Variants in ZRANB1 observed in about 807,000 individuals in gnomAD.
ZRANB1 encodes ubiquitin thioesterase ZRANB1.
A neutral mutation model predicts 80.5 loss-of-function variants in ZRANB1; 16 were observed. The ratio of observed to expected loss-of-function variants is 0.20; its 90% CI spans 0.13 to 0.30. The LOEUF (loss-of-function observed/expected upper bound fraction) is 0.30, where lower values mean the gene tolerates loss of function less well. Ranked by LOEUF, ZRANB1 falls within the 10% of genes least tolerant of loss-of-function variation. ZRANB1 has a pLI of 1.00. For missense variants in ZRANB1, 576 were observed against 862.6 expected (o/e 0.67, Z 4.16); for synonymous variants, 291 against 293.1 (o/e 0.99, Z 0.07).
the ZRANB1 span, among the ~76,000 whole-genome samples, chr10:124,925,540 T>A: frequency 6.6e-6 from 1 of 152,256 alleles, no homozygotes; most frequent in Non-Finnish European, 1.5e-5. Context: ...TGTCTGTGGG[T>A]TGTGTTTTCA....
intron 1 of ZRANB1, among the ~76,000 whole-genome samples, chr10:124,949,535 T>G (rs1054295171): frequency 6.6e-6 from 1 of 151,234 alleles, no homozygotes; most frequent in African/African-American, 2.4e-5. Context: ...TTTTTTTTTT[T>G]TTTTGAGACA....
upstream of ZRANB1, among the ~76,000 whole-genome samples, chr10:124,940,337 GGCTTCAA>G (rs1951523778): frequency 6.6e-6 from 1 of 152,232 alleles, no homozygotes; most frequent in African/African-American, 2.4e-5. Flanking sequence ...TAAAGTAGCA[GGCTTCAA>G]GTGAAATTCA....
chr10:124,959,604 C>G (rs556795974), intron 1 of ZRANB1, among the ~76,000 whole-genome samples: 28 of 152,108 alleles, frequency 1.8e-4, no homozygotes, highest in Non-Finnish European at 3.8e-4. Flanking sequence ...GTAGCTGGGA[C>G]TACAGGTGCA....
the ZRANB1 span, among the ~76,000 whole-genome samples, chr10:124,921,915 A>T: frequency 6.6e-6 from 1 of 152,046 alleles, no homozygotes; most frequent in Non-Finnish European, 1.5e-5. Flanking sequence ...GGGGTTGGCC[A>T]GGTAAATTGA....
chr10:124,963,120 G>A (rs1156947930), intron 1 of ZRANB1, among the ~76,000 whole-genome samples: 2 of 151,994 alleles, frequency 1.3e-5, no homozygotes, highest in Admixed American at 6.6e-5. Flanking sequence ...ACAAAAATTA[G>A]CTAGGTGTGG....
At chr10:124,972,145 A>C (rs1324460063) in intron 3 of ZRANB1, 27 bp downstream of exon 3, 3 of 1,600,094 alleles carry the variant, frequency 1.9e-6, no homozygotes, top group Admixed American at 1.8e-5. Flanking sequence ...ACGTAAAAAG[A>C]CTTTTTTATT....
chr10:124,935,946 T>C, the ZRANB1 span, among the ~76,000 whole-genome samples: 2 of 152,156 alleles, frequency 1.3e-5, no homozygotes, highest in East Asian at 1.9e-4. Flanking sequence ...AGAGGAAATA[T>C]AAAGTGCCAA....
upstream of ZRANB1, chr10:124,940,639 T>TGA: frequency 1.3e-5 from 10 of 766,462 alleles, no homozygotes; most frequent in Non-Finnish European, 1.9e-5. Flanking sequence ...ATAAATGGTG[T>TGA]ATGGACTTGG....
chr10:124,940,683 T>A, upstream of ZRANB1: 1 of 479,030 alleles, frequency 2.1e-6, no homozygotes, highest in Non-Finnish European at 3.3e-6. Flanking sequence ...ACTTCAAAAG[T>A]GAAAGATTTA....
chr10:124,975,428 C>A (rs1438136988), intron 5 of ZRANB1, among the ~76,000 whole-genome samples: 1 of 152,176 alleles, frequency 6.6e-6, no homozygotes, highest in Non-Finnish European at 1.5e-5. Flanking sequence ...ATCCCCATTC[C>A]TACATCTAAG....
At position 124,984,772 on chromosome 10, in the gene ZRANB1, A is replaced by C; in HGVS notation, c.1909-2A>C. 6.2e-7 allele frequency: 1 copy of C among 1,612,354 alleles called. No homozygotes were observed. The highest frequency in any genetic ancestry group is 8.5e-7 in the Non-Finnish European group (1 of 1,178,774). ...CCCTTTGTCTTCATATTCCTCCAAA[A>C]GCTAGGTAATGAGGAACAGCAAGAA... On this transcript the variant is annotated splice_acceptor_variant, in intron 8 of 8. Transcript: ENST00000359653. LOFTEE classifies it high-confidence loss of function.
chr10:124,986,949 T>A lies in ZRANB1; in HGVS notation c.*1957T>A, dbSNP rs1033360269. The A allele has an allele frequency of 1.3e-5, 2 of 152,072 alleles. No individual in the cohort carries two copies. Among genetic ancestry groups the A allele is most frequent in the Non-Finnish European group, 2.9e-5 (2 of 67,942 alleles). The allele number at this position is 152,072 out of a possible 1,614,324, so 9.4% of individuals were successfully genotyped here. A position where few individuals can be genotyped will look rare whatever the true frequency, so the allele number is the denominator to read the frequency against. The stretch of plus-strand genomic sequence containing the variant: ...TGTGTTGTGGTCTGGTGAGTGTTGT[T>A]TCCCCTGAGCGCTCTATTATTTATT... On this transcript the variant is annotated 3_prime_UTR_variant, in exon 9 of 9. Coordinates refer to ENST00000359653, the MANE Select transcript of ZRANB1 (RefSeq NM_017580.3).
the ZRANB1 span, among the ~76,000 whole-genome samples, chr10:124,927,897 C>T: frequency 1.3e-5 from 2 of 152,092 alleles, no homozygotes; most frequent in African/African-American, 2.4e-5. Flanking sequence ...ATTAGCTGGG[C>T]GTGGTGGCAC....
In ZRANB1 at chr10:124,948,457, A is replaced by G. The variant is rs199619908; in HGVS notation, c.814+5150A>G. ...GTTGTTCAAGGGCCAAATATAGTTT[A>G]TCTCTGAACTAATCTGTTTTCCACC... On this transcript the variant is annotated intron_variant, in intron 1 of 8. Coordinates refer to ENST00000359653, the MANE Select transcript of ZRANB1 (RefSeq NM_017580.3). Among the ~76,000 whole-genome samples the G allele has an allele frequency of 1.2e-4, 18 of 151,194 alleles. No homozygotes were observed. In the East Asian group the frequency reaches 3.3e-3, roughly 28 times the overall value.
intron 1 of ZRANB1, 135 bp downstream of exon 1, chr10:124,943,442 A>G (rs1951553561): frequency 3.8e-6 from 3 of 792,658 alleles, no homozygotes; most frequent in Admixed American, 2.8e-5. Context: ...AGGCTGTAGT[A>G]TGCCATGATC....
chr10:124,944,292 T>G (rs1164469368), intron 1 of ZRANB1, among the ~76,000 whole-genome samples: 1 of 152,196 alleles, frequency 6.6e-6, no homozygotes, highest in East Asian at 1.9e-4. Flanking sequence ...TTACTAAGTT[T>G]AAACTTTGTG....
intron 5 of ZRANB1, among the ~76,000 whole-genome samples, chr10:124,975,381 A>G (rs1451142761): frequency 2.6e-5 from 4 of 152,192 alleles, no homozygotes; most frequent in South Asian, 2.1e-4. Context: ...ATCAACATAC[A>G]TCTTTCCAGA....
intron 3 of ZRANB1, among the ~76,000 whole-genome samples, chr10:124,972,487 A>C (rs1029641587): frequency 1.3e-5 from 2 of 152,208 alleles, no homozygotes; most frequent in Admixed American, 1.3e-4. Context: ...GAAATTAGAT[A>C]GCTATATTGG....
rs184443636 is a variant in ZRANB1 at position 124,956,660 on chromosome 10, C to T, written c.815-9934C>T. ...TCATATTTGTGTTTTTTAGTAATGG[C>T]GGGGTTTCACCATGTTGGCTAGGCT... On this transcript the variant is annotated intron_variant, in intron 1 of 8. Coordinates refer to ENST00000359653, the MANE Select transcript of ZRANB1 (RefSeq NM_017580.3). 2.9e-3 allele frequency among the ~76,000 whole-genome samples: 437 copies of T among 152,080 alleles called. 3 individuals are homozygous for T. Among genetic ancestry groups the T allele is most frequent in the African/African-American group, 0.01 (421 of 41,498 alleles).
Sources: allele counts gnomAD v4.1 joint callset (sites outside exome capture counted in the v4.1 genomes callset), GRCh38; gene constraint gnomAD v4.1.1; transcripts MANE v1.5; gene names NCBI Gene and HGNC (gene_info 2026-07-23, HGNC 2026-07-21).